The following MED12L variants were observed in gnomAD, a reference collection of about 807,000 sequenced individuals.
MED12L encodes the protein mediator complex subunit 12L.
A neutral mutation model predicts 281.3 loss-of-function variants in MED12L; 60 were observed. The observed-to-expected ratio is 0.21, with a 90% CI of 0.17 to 0.26. The LOEUF is 0.26. Ranked by LOEUF, MED12L falls within the 10% of genes least tolerant of loss-of-function variation. The pLI is 1.00. For missense variants in MED12L, 2,146 were observed against 2,680.9 expected, an observed-to-expected ratio of 0.80 and a Z score of 4.41; for synonymous variants, 974 against 987.2, an observed-to-expected ratio of 0.99 and a Z score of 0.25.
chr3:151,125,006 A>T (rs1053431631), intron 4 of MED12L, among the ~76,000 whole-genome samples: 1 of 152,358 alleles, frequency 6.6e-6, no homozygotes, highest in Admixed American at 6.5e-5. Context: ...CCTTTTGTGG[A>T]TTGAAAGCCA....
intron 2 of MED12L, among the ~76,000 whole-genome samples, chr3:151,094,674 T>C (rs77236401): frequency 0.018 from 2,798 of 152,272 alleles, 90 homozygotes; most frequent in African/African-American, 0.064. Flanking sequence ...GACTTAAAAA[T>C]ATATATACAC....
At chr3:151,236,175 A>G (rs1191097561) in intron 16 of MED12L, among the ~76,000 whole-genome samples, 3 of 152,210 alleles carry the variant, frequency 2.0e-5, no homozygotes, top group East Asian at 1.9e-4. Context: ...TAGAAGCTCA[A>G]TGAATATTTA....
Position 151,357,294 on chromosome 3 carries a change from T to C in MED12L, c.2743T>C (p.Cys915Arg), listed in dbSNP as rs1754050444. 1 of 1,613,796 alleles carries C rather than the reference T, an allele frequency of 6.2e-7. No homozygotes were observed. Among genetic ancestry groups the C allele is most frequent in the Admixed American group, 1.7e-5 (1 of 59,970 alleles). ...GGCAGGAAGTTATACAACAGGACTG[T>C]GTGTCTGCATCGTGGCTGTTCTCAG... Reference protein sequence around the residue: ...SLAGSYTTGLCVCIVAVLRRY... With the variant: ...SLAGSYTTGLRVCIVAVLRRY... Residue 915 changes from cysteine (C) to arginine (R), a missense_variant, in exon 20 of 45, where the codon TGT (cysteine) becomes CGT (arginine). By Grantham distance (180) the Cys-to-Arg change is radical. Coordinates refer to ENST00000687756, the MANE Select transcript of MED12L (RefSeq NM_001393769.1).
chr3:151,168,830 C>T (rs927685486), intron 11 of MED12L, among the ~76,000 whole-genome samples: 1 of 152,076 alleles, frequency 6.6e-6, no homozygotes, highest in African/African-American at 2.4e-5. Context: ...CTCAGCCTCC[C>T]CAGTAGCTGG....
At chr3:151,170,954 C>G (rs1001385637) in intron 11 of MED12L, among the ~76,000 whole-genome samples, 3 of 152,080 alleles carry the variant, frequency 2.0e-5, no homozygotes, top group Admixed American at 1.3e-4. Flanking sequence ...CCACTGTTCC[C>G]TGATCATCCA....
At chr3:151,149,861 C>CA (rs2148903657) in intron 5 of MED12L, among the ~76,000 whole-genome samples, 1 of 152,300 alleles carries the variant, frequency 6.6e-6, no homozygotes, top group East Asian at 1.9e-4. Context: ...TTATGAGAGG[C>CA]AACTCTTCAT....
chr3:151,422,411 T>A (rs1718349007), intron 43 of MED12L, among the ~76,000 whole-genome samples: 1 of 152,180 alleles, frequency 6.6e-6, no homozygotes. Flanking sequence ...ATGCCTCTCC[T>A]CCAGCTTCTG....
At chr3:151,367,382 TTGTTG>T (rs1238516301) in intron 23 of MED12L, among the ~76,000 whole-genome samples, 6 of 152,218 alleles carry the variant, frequency 3.9e-5, no homozygotes, top group African/African-American at 1.2e-4. Flanking sequence ...TCCATTTTTG[TTGTTG>T]TGTTTTTCAT....
At chr3:151,254,649 T>G (rs986802103) in intron 16 of MED12L, among the ~76,000 whole-genome samples, 1 of 152,242 alleles carries the variant, frequency 6.6e-6, no homozygotes, top group Non-Finnish European at 1.5e-5. Flanking sequence ...GAGAGAAATG[T>G]GAAGTCCAAG....
At chr3:151,349,460 T>C (rs866286942) in intron 16 of MED12L, among the ~76,000 whole-genome samples, 1 of 152,144 alleles carries the variant, frequency 6.6e-6, no homozygotes, top group Admixed American at 6.5e-5. Flanking sequence ...GGAATATATA[T>C]AGTTTTGTAG....
At chr3:151,266,605 T>C (rs1739879721) in intron 16 of MED12L, among the ~76,000 whole-genome samples, 1 of 152,206 alleles carries the variant, frequency 6.6e-6, no homozygotes, top group Admixed American at 6.5e-5. Context: ...TGAACATTCT[T>C]TCCTATTCTA....
At chr3:151,348,403 G>A (rs776581580) in intron 16 of MED12L, among the ~76,000 whole-genome samples, 7 of 144,002 alleles carry the variant, frequency 4.9e-5, no homozygotes, top group South Asian at 4.5e-4. Context: ...TAGCAACAAC[G>A]AAAATGGGAA....
chr3:151,131,550 T>C (rs1715398315), intron 5 of MED12L, among the ~76,000 whole-genome samples: 1 of 152,114 alleles, frequency 6.6e-6, no homozygotes, highest in African/African-American at 2.4e-5. Context: ...GAGGCTGCAG[T>C]GAGCTGGGAT....
At chr3:151,213,368 G>A (rs779050124) in intron 16 of MED12L, 77 of 1,613,746 alleles carry the variant, frequency 4.8e-5, no homozygotes, top group Non-Finnish European at 6.4e-5. Context: ...AGGTCATTCT[G>A]AGCTTTTAAT....
rs1386030142 is a variant in MED12L, at chr3:151,338,280, A to G, written c.2251-11779A>G. ...AATGACTTGACAGATGTAATTTACT[A>G]TTTCATGCCAGACTAGACCGAACTC... On this transcript the variant is annotated intron_variant, in intron 16 of 44. Coordinates refer to ENST00000687756, the MANE Select transcript of MED12L (RefSeq NM_001393769.1). The G allele has an allele frequency of 2.5e-6, 4 of 1,613,960 alleles. No individual in the cohort carries two copies. In the African/African-American group the frequency reaches 4.0e-5, roughly 16 times the overall value.
At chr3:151,314,190 TAATC>T (rs1240918562) in intron 16 of MED12L, among the ~76,000 whole-genome samples, 2 of 152,246 alleles carry the variant, frequency 1.3e-5, no homozygotes, top group African/African-American at 2.4e-5. Flanking sequence ...AAATGGAACT[TAATC>T]AGTGCTCTCG....
chr3:151,214,231 T>G, intron 16 of MED12L: 1 of 1,613,912 alleles, frequency 6.2e-7, no homozygotes, highest in Non-Finnish European at 8.5e-7. Context: ...GACCATACAG[T>G]ACAGCACAGG....
chr3:151,352,319 A>C (rs1753332443), intron 17 of MED12L, among the ~76,000 whole-genome samples: 1 of 152,176 alleles, frequency 6.6e-6, no homozygotes, highest in Non-Finnish European at 1.5e-5. Flanking sequence ...AGGGATCCTC[A>C]ACCTTTTTCA....
At chr3:151,280,587 G>A (rs796664792) in intron 16 of MED12L, among the ~76,000 whole-genome samples, 5 of 151,992 alleles carry the variant, frequency 3.3e-5, no homozygotes, top group African/African-American at 1.2e-4. Flanking sequence ...GATACCCTGT[G>A]GGCTAAAACA....
Sources: allele counts gnomAD v4.1 joint callset (sites outside exome capture counted in the v4.1 genomes callset), GRCh38; gene constraint gnomAD v4.1.1; transcripts MANE v1.5; gene names NCBI Gene and HGNC (gene_info 2026-07-23, HGNC 2026-07-21).